Variants in ROCK1 observed in about 807,000 individuals in gnomAD.
The protein encoded by ROCK1 is rho-associated protein kinase 1.
ROCK1 carries 36 observed loss-of-function variants against 196.8 expected under a neutral mutation model. That is an observed-to-expected ratio of 0.18 (90% CI 0.14 to 0.24). The LOEUF is 0.24. Among genes scored for constraint, ROCK1 ranks in the 10% least tolerant of loss-of-function variants. The pLI is 1.00. For missense variants in ROCK1, 920 were observed against 1,562.0 expected, an observed-to-expected ratio of 0.59 and a Z score of 6.93; for synonymous variants, 443 against 515.9, an observed-to-expected ratio of 0.86 and a Z score of 1.91.
chr18:20,958,966 A>T (rs1435122336), intron 29 of ROCK1, among the ~76,000 whole-genome samples: 1 of 92,284 alleles, frequency 1.1e-5, no homozygotes, highest in Non-Finnish European at 2.0e-5. Flanking sequence ...TTTATATAAT[A>T]TATATAATAT....
At chr18:20,968,704 A>C (rs1474910500) in intron 25 of ROCK1, 68 bp downstream of exon 25, 1 of 929,902 alleles carries the variant, frequency 1.1e-6, no homozygotes, top group Non-Finnish European at 1.7e-6. Context: ...TGGTTTTAGG[A>C]AAAAGTGCAT....
chr18:21,060,605 C>T (rs2036280183), intron 2 of ROCK1, among the ~76,000 whole-genome samples: 1 of 151,992 alleles, frequency 6.6e-6, no homozygotes, highest in South Asian at 2.1e-4. Context: ...TTTGGGAGGC[C>T]GAGGCAGACA....
chr18:21,001,496 G>C (rs919737644), intron 16 of ROCK1, among the ~76,000 whole-genome samples: 4 of 152,132 alleles, frequency 2.6e-5, no homozygotes, highest in Non-Finnish European at 5.9e-5. Context: ...TGCCAGGCAT[G>C]GTGGCTCACG....
intron 16 of ROCK1, among the ~76,000 whole-genome samples, chr18:21,004,335 G>A (rs913535768): frequency 1.3e-4 from 20 of 152,104 alleles, no homozygotes; most frequent in African/African-American, 4.6e-4. Context: ...ATACTTGAGA[G>A]ACCTGAAAGT....
At chr18:21,008,569 A>C (rs2035788545) in intron 13 of ROCK1, among the ~76,000 whole-genome samples, 1 of 152,176 alleles carries the variant, frequency 6.6e-6, no homozygotes, top group Non-Finnish European at 1.5e-5. Flanking sequence ...TACTGTGCCC[A>C]GCCTAAAATA....
chr18:21,010,950 C>A (rs1338267118), intron 13 of ROCK1, among the ~76,000 whole-genome samples: 1 of 152,080 alleles, frequency 6.6e-6, no homozygotes, highest in Non-Finnish European at 1.5e-5. Context: ...TGGTAATTTT[C>A]TTTGCTCTGA....
intron 29 of ROCK1, among the ~76,000 whole-genome samples, chr18:20,959,479 T>C (rs1258652973): frequency 6.6e-6 from 1 of 151,448 alleles, no homozygotes; most frequent in African/African-American, 2.4e-5. Context: ...CCCAAAGTGC[T>C]GGGGTTACAG....
intron 2 of ROCK1, among the ~76,000 whole-genome samples, chr18:21,067,742 T>C (rs1406605715): frequency 6.6e-6 from 1 of 152,200 alleles, no homozygotes; most frequent in Non-Finnish European, 1.5e-5. Flanking sequence ...TTTGATGATG[T>C]CCAGTTTATC....
chr18:20,978,426 CA>C (rs1030413822), intron 22 of ROCK1, among the ~76,000 whole-genome samples: 17 of 152,264 alleles, frequency 1.1e-4, no homozygotes, highest in African/African-American at 4.1e-4. Flanking sequence ...TCCAGGATGT[CA>C]GAAATGTTCT....
intron 11 of ROCK1, among the ~76,000 whole-genome samples, 198 bp from the exon 12 acceptor site, chr18:21,020,437 C>G (rs2035904421): frequency 6.6e-6 from 1 of 151,682 alleles, no homozygotes; most frequent in Admixed American, 6.6e-5. Flanking sequence ...ATTAGAAATA[C>G]AAAAATTAAA....
chr18:20,968,112 ATC>A (rs1410114456), intron 25 of ROCK1, among the ~76,000 whole-genome samples, 172 bp from the exon 26 acceptor site: 3 of 152,204 alleles, frequency 2.0e-5, no homozygotes, highest in Non-Finnish European at 2.9e-5. Context: ...ACACTGACTT[ATC>A]ACACTACTTA....
At chr18:20,972,717 C>T (rs751553244) in intron 22 of ROCK1, among the ~76,000 whole-genome samples, 1 of 152,056 alleles carries the variant, frequency 6.6e-6, no homozygotes, top group Non-Finnish European at 1.5e-5. Context: ...TTAGGAAGAC[C>T]CCACTGACCT....
At chr18:20,969,033 T>A in intron 24 of ROCK1, 82 bp downstream of exon 24, 1 of 988,318 alleles carries the variant, frequency 1.0e-6, no homozygotes, top group South Asian at 1.5e-5. Context: ...AAAACAGGTA[T>A]CTTAGAAACC....
intron 4 of ROCK1, among the ~76,000 whole-genome samples, 166 bp from the exon 5 acceptor site, chr18:21,045,633 C>T (rs1382938597): frequency 7.9e-5 from 12 of 151,998 alleles, no homozygotes. Context: ...CCACAAAGAC[C>T]CTTGTATATG....
intron 1 of ROCK1, among the ~76,000 whole-genome samples, chr18:21,083,704 G>A (rs1261036459): frequency 6.6e-6 from 1 of 151,984 alleles, no homozygotes; most frequent in African/African-American, 2.4e-5. Context: ...TTTTCTTTTT[G>A]CTGGCTAACA....
chr18:21,109,334 A>G (rs1264274469), intron 1 of ROCK1, among the ~76,000 whole-genome samples: 2 of 152,230 alleles, frequency 1.3e-5, no homozygotes, highest in African/African-American at 4.8e-5. Flanking sequence ...AGGCCAGAAG[A>G]TGATTTAAAG....
intron 13 of ROCK1, among the ~76,000 whole-genome samples, chr18:21,009,167 T>C (rs1404817751): frequency 8.2e-6 from 1 of 122,528 alleles, no homozygotes; most frequent in African/African-American, 3.5e-5. Flanking sequence ...TGAGACAGGC[T>C]TTTTTTTTTT....
chr18:20,990,383 T>A (rs1465044686), intron 18 of ROCK1, among the ~76,000 whole-genome samples: 1 of 151,112 alleles, frequency 6.6e-6, no homozygotes, highest in Non-Finnish European at 1.5e-5. Context: ...AGTAGTAAAC[T>A]GAGGGAACTA....
At position 21,108,096 on chromosome 18, in the gene ROCK1, T is replaced by C. The variant is rs754422171; in HGVS notation, c.93+2722A>G. On this transcript the variant is annotated intron_variant, in intron 1 of 32. Transcript: ENST00000399799. ...AAATTCAGTCTTTACCAAGTTCAGA[T>C]TGACGGGGTAATAAAATTTCAGTAA... Among the ~76,000 whole-genome samples the C allele has an allele frequency of 6.6e-5, 10 of 151,294 alleles. No individual in the cohort carries two copies. The East Asian group carries it at 1.5e-3, about 23-fold the overall frequency.
Sources: allele counts gnomAD v4.1 joint callset (sites outside exome capture counted in the v4.1 genomes callset), GRCh38; gene constraint gnomAD v4.1.1; transcripts MANE v1.5; gene names NCBI Gene and HGNC (gene_info 2026-07-23, HGNC 2026-07-21).